The following CPNE4 variants were observed in gnomAD, a reference collection of about 807,000 sequenced individuals.
CPNE4 encodes the protein copine-4.
Under a neutral mutation model 67.9 loss-of-function variants are expected in CPNE4, and 25 were observed. The ratio of observed to expected loss-of-function variants is 0.37; its 90% CI spans 0.27 to 0.51. The LOEUF (loss-of-function observed/expected upper bound fraction) is 0.51. Ranked by LOEUF, CPNE4 falls within the 20% of genes least tolerant of loss-of-function variation. The pLI, the probability that CPNE4 is intolerant of heterozygous loss-of-function variation, is 0.93. For synonymous variants in CPNE4, 242 were observed against 244.9 expected (o/e 0.99, Z 0.11); for missense variants, 464 against 690.8 (o/e 0.67, Z 3.68).
chr3:131,990,964 TCTC>T lies in CPNE4; in HGVS notation c.-2+43600_-2+43602del, dbSNP rs2073162203. On this transcript the variant is annotated intron_variant, in intron 1 of 15. Coordinates refer to ENST00000429747, the MANE Select transcript of CPNE4 (RefSeq NM_130808.3). ...GGCTTTCCCCCCTTTGTTCAGCACT[TCTC>T]CTTTCTGCTGCCACGTGAAGAAAAA... is the stretch of plus-strand genomic sequence containing the variant. 5.1e-5 allele frequency among the ~76,000 whole-genome samples: 7 copies of T among 136,322 alleles called. 1 individual carries two copies. The South Asian group carries it at 1.8e-3, about 34-fold the overall frequency. The allele number at this position is 136,322 out of a possible 152,430, so 89.4% of individuals were successfully genotyped here. A position where few individuals can be genotyped will look rare whatever the true frequency, so the allele number is the denominator to read the frequency against.
intron 5 of CPNE4, among the ~76,000 whole-genome samples, chr3:131,692,269 G>C (rs1189368313): frequency 6.6e-6 from 1 of 152,082 alleles, no homozygotes; most frequent in Admixed American, 6.6e-5. Context: ...TCTGATCTGA[G>C]TATGCTTTAT....
chr3:131,555,361 G>A (rs1936403994), intron 12 of CPNE4, 136 bp downstream of exon 12: 6 of 671,958 alleles, frequency 8.9e-6, no homozygotes, highest in African/African-American at 1.8e-5. Context: ...CACTGATTCT[G>A]AAGACAATTT....
intron 7 of CPNE4, 94 bp from the exon 8 acceptor site, chr3:131,587,676 A>G (rs1045653808): frequency 2.3e-5 from 21 of 898,132 alleles, no homozygotes; most frequent in South Asian, 1.4e-4. Context: ...AGTAGATGAA[A>G]GATGTTTGGT....
rs75638783 is a variant in CPNE4 at position 131,659,065 on chromosome 3, T to C, written c.681+10610A>G. 1.6e-3 allele frequency among the ~76,000 whole-genome samples: 242 copies of C among 152,338 alleles called. 3 individuals carry two copies. The East Asian group carries it at 0.041, about 26-fold the overall frequency. ...TGTGCAAAAATGAAAATTGAGATCT[T>C]GAGGCAACTTTTTCAGTTTCTGTGT... On this transcript the variant is annotated intron_variant, in intron 7 of 15. Coordinates refer to ENST00000429747, the MANE Select transcript of CPNE4 (RefSeq NM_130808.3).
chr3:131,982,934 A>G (rs1051198065), intron 1 of CPNE4, among the ~76,000 whole-genome samples: 5 of 152,092 alleles, frequency 3.3e-5, no homozygotes, highest in Non-Finnish European at 7.4e-5. Flanking sequence ...AAAGTGATAG[A>G]TAACATTGAC....
chr3:131,880,365 C>T (rs1269177053), intron 2 of CPNE4, among the ~76,000 whole-genome samples: 1 of 152,142 alleles, frequency 6.6e-6, no homozygotes, highest in Non-Finnish European at 1.5e-5. Flanking sequence ...TACGCCCGCC[C>T]GACCTCCCAA....
At chr3:131,580,208 C>T (rs1297309364) in intron 9 of CPNE4, among the ~76,000 whole-genome samples, 1 of 151,956 alleles carries the variant, frequency 6.6e-6, no homozygotes, top group African/African-American at 2.4e-5. Context: ...CATTTTTTAG[C>T]AATAAGGTAT....
At chr3:131,889,142 T>C (rs565736034) in intron 2 of CPNE4, among the ~76,000 whole-genome samples, 5 of 152,316 alleles carry the variant, frequency 3.3e-5, no homozygotes, top group African/African-American at 1.2e-4. Flanking sequence ...ATCATCTCAA[T>C]AGATCCTTAT....
At chr3:131,566,570 C>T (rs1937069251) in intron 10 of CPNE4, among the ~76,000 whole-genome samples, 1 of 151,958 alleles carries the variant, frequency 6.6e-6, no homozygotes, top group African/African-American at 2.4e-5. Flanking sequence ...ACCAATGAGG[C>T]CTCAACAAGA....
intron 1 of CPNE4, among the ~76,000 whole-genome samples, chr3:132,012,904 C>A (rs532877923): frequency 4.6e-5 from 7 of 152,268 alleles, no homozygotes; most frequent in East Asian, 3.9e-4. Context: ...AGAGAAGGTC[C>A]TAATAACAGC....
intron 7 of CPNE4, among the ~76,000 whole-genome samples, chr3:131,660,578 C>T (rs1022272094): frequency 5.9e-5 from 9 of 152,240 alleles, no homozygotes; most frequent in South Asian, 2.1e-4. Context: ...TCCATCATCA[C>T]GGAAAGTTTT....
intron 7 of CPNE4, among the ~76,000 whole-genome samples, chr3:131,622,397 TG>T (rs1278712747): frequency 1.3e-5 from 2 of 152,238 alleles, no homozygotes; most frequent in Non-Finnish European, 2.9e-5. Context: ...TACTCACACA[TG>T]ATCTTAAGAT....
intron 1 of CPNE4, among the ~76,000 whole-genome samples, chr3:132,007,372 A>T (rs2073637643): frequency 6.6e-6 from 1 of 152,132 alleles, no homozygotes; most frequent in South Asian, 2.1e-4. Flanking sequence ...GGAGTCAGAC[A>T]TGTCTGCATG....
intron 3 of CPNE4, among the ~76,000 whole-genome samples, chr3:131,722,019 T>A (rs1449828170): frequency 2.0e-5 from 3 of 152,184 alleles, no homozygotes; most frequent in Non-Finnish European, 4.4e-5. Context: ...GCTTTTGACT[T>A]TCATTAAAGG....
At chr3:131,925,543 G>C (rs1445180110) in intron 1 of CPNE4, 2 of 80,132 alleles carry the variant, frequency 2.5e-5, no homozygotes, top group Admixed American at 1.6e-4. Flanking sequence ...GTGCTCAAAA[G>C]ATTCTCCTTG....
At chr3:131,798,657 G>C (rs1023325703) in intron 2 of CPNE4, among the ~76,000 whole-genome samples, 1 of 152,088 alleles carries the variant, frequency 6.6e-6, no homozygotes, top group Non-Finnish European at 1.5e-5. Context: ...TGATATTTGA[G>C]AGTCCAGAAA....
chr3:131,846,362 G>C (rs563728046), intron 2 of CPNE4, among the ~76,000 whole-genome samples: 18 of 152,216 alleles, frequency 1.2e-4, no homozygotes, highest in African/African-American at 4.3e-4. Context: ...ACACTCTTGA[G>C]GGAATGAATT....
rs2073073443 is a variant in CPNE4, at chr3:131,987,220, T to C, written c.-2+47347A>G. Among the ~76,000 whole-genome samples the C allele has an allele frequency of 1.3e-5, 2 of 152,164 alleles. 1 individual carries two copies. Among genetic ancestry groups the C allele is most frequent in the South Asian group, 4.1e-4 (2 of 4,832 alleles). ...AAGCTAATAAGCTAATTAACGATAGTAGAAGTAAAACCAGTGGTTGCCTCT... is the reference window on the plus strand; with the variant it reads ...AAGCTAATAAGCTAATTAACGATAGCAGAAGTAAAACCAGTGGTTGCCTCT... On this transcript the variant is annotated intron_variant, in intron 1 of 15. Coordinates refer to ENST00000429747, the MANE Select transcript of CPNE4 (RefSeq NM_130808.3).
At chr3:131,566,425 C>T (rs1937059324) in intron 10 of CPNE4, among the ~76,000 whole-genome samples, 1 of 149,322 alleles carries the variant, frequency 6.7e-6, no homozygotes, top group Non-Finnish European at 1.5e-5. Context: ...AGAGCCAACC[C>T]ACCAGGAAAA....
Sources: gnomAD v4.1 joint callset for allele counts (sites outside exome capture counted in the v4.1 genomes callset) on GRCh38, gnomAD v4.1.1 for gene constraint, MANE v1.5 for transcripts, NCBI Gene and HGNC (gene_info 2026-07-23, HGNC 2026-07-21) for gene names.